The following CNOT1 variants were observed in gnomAD, a reference collection of about 807,000 sequenced individuals.
CNOT1 encodes the protein CCR4-associated factor 1.
CNOT1 carries 15 observed loss-of-function variants against 273.8 expected under a neutral mutation model. The observed-to-expected ratio is 0.05, with a 90% CI of 0.04 to 0.08. The LOEUF (loss-of-function observed/expected upper bound fraction) is 0.08, where lower values mean the gene tolerates loss of function less well. Ranked by LOEUF, CNOT1 falls within the 10% of genes least tolerant of loss-of-function variation. The pLI is 1.00. For missense variants in CNOT1, 1,644 were observed against 2,912.2 expected, an observed-to-expected ratio of 0.56 and a Z score of 10.02; for synonymous variants, 1,022 against 1,005.5, an observed-to-expected ratio of 1.02 and a Z score of -0.31.
intron 39 of CNOT1, among the ~76,000 whole-genome samples, chr16:58,536,463 T>A (rs771298300): frequency 5.9e-5 from 9 of 152,220 alleles, no homozygotes; most frequent in Non-Finnish European, 1.0e-4. Flanking sequence ...AGTTAGGTGC[T>A]TTGTTCCTAA....
In CNOT1 at chr16:58,556,981, C is replaced by G; in HGVS notation, c.2345G>C (p.Gly782Ala). Residue 782 changes from glycine (G) to alanine (A), a missense_variant, in exon 19 of 49, where the codon GGC (glycine) becomes GCC (alanine). Physicochemically the swap from Gly to Ala is moderately conservative, Grantham distance 60. This residue lies in a region of CNOT1 where 706 missense variants were observed against 1,021.2 expected (regional missense o/e 0.69). Coordinates refer to ENST00000317147, the MANE Select transcript of CNOT1 (RefSeq NM_016284.5). ...LSSQLPVGGL[G>A]TGSLTGIGTG... is the part of the protein sequence containing the mutation. ...TCCTATACCAGTCAGGCTGCCTGTG[C>G]CAAGACCACCTACTAGAGAGAACGA... 1 of 1,613,824 alleles carries G rather than the reference C, an allele frequency of 6.2e-7. No individual in the cohort carries two copies. Among genetic ancestry groups the G allele is most frequent in the Non-Finnish European group, 8.5e-7 (1 of 1,179,954 alleles).
At chr16:58,554,616 T>C (rs557172610) in intron 21 of CNOT1, among the ~76,000 whole-genome samples, 1 of 152,326 alleles carries the variant, frequency 6.6e-6, no homozygotes, top group African/African-American at 2.4e-5. Context: ...GTTCTCATTT[T>C]AGTTTTCCTA....
intron 1 of CNOT1, among the ~76,000 whole-genome samples, chr16:58,619,352 C>G (rs1348054443): frequency 1.3e-5 from 2 of 152,058 alleles, no homozygotes; most frequent in Non-Finnish European, 2.9e-5. Flanking sequence ...CTCAGCAGAA[C>G]TGCAAATTTA....
At chr16:58,534,889 A>G (rs1384019629) in intron 39 of CNOT1, among the ~76,000 whole-genome samples, 1 of 152,258 alleles carries the variant, frequency 6.6e-6, no homozygotes, top group Non-Finnish European at 1.5e-5. Context: ...AGAAAAATCA[A>G]TAATTTGTAC....
At chr16:58,542,134 A>T in intron 33 of CNOT1, 97 bp downstream of exon 33, 1 of 1,407,930 alleles carries the variant, frequency 7.1e-7, no homozygotes, top group Non-Finnish European at 9.7e-7. Context: ...AACAATATTT[A>T]ACCCTGCTGT....
intron 21 of CNOT1, among the ~76,000 whole-genome samples, chr16:58,554,935 CAAAAAAA>C (rs56180546): frequency 2.5e-5 from 2 of 78,910 alleles, no homozygotes; most frequent in African/African-American, 5.0e-5. Context: ...GACTCCATCT[CAAAAAAA>C]AAAAAAAAAA....
rs375554292 is a variant in CNOT1, at chr16:58,610,432, G to A, written c.-174-10921C>T. 8.6e-5 allele frequency among the ~76,000 whole-genome samples: 13 copies of A among 151,982 alleles called. No individual in the cohort carries two copies. The South Asian group carries it at 1.2e-3, about 15-fold the overall frequency. On this transcript the variant is annotated intron_variant, in intron 1 of 48. Coordinates refer to ENST00000317147, the MANE Select transcript of CNOT1 (RefSeq NM_016284.5). ...ATAAAGAAATAAATAGGCCAGGCGC[G>A]GTAGCTCATGCCTGTAATCCCAGCA... is the stretch of plus-strand genomic sequence containing the variant.
intron 1 of CNOT1, among the ~76,000 whole-genome samples, chr16:58,600,290 C>A (rs1052637815): frequency 8.5e-5 from 7 of 82,732 alleles, no homozygotes; most frequent in Admixed American, 5.4e-4. Context: ...CGAGATCATG[C>A]CACTGCATTC....
In CNOT1 at chr16:58,547,349, A is replaced by G; in HGVS notation, c.3640-53T>C. 6.3e-7 allele frequency: 1 copy of G among 1,599,050 alleles called. No individual in the cohort carries two copies. The highest frequency in any genetic ancestry group is 1.1e-5 in the South Asian group (1 of 88,948). On this transcript the variant is annotated intron_variant, in intron 26 of 48. Coordinates refer to ENST00000317147, the MANE Select transcript of CNOT1 (RefSeq NM_016284.5). The surrounding 1 kb of genome is among the most constrained non-coding windows in gnomAD (Gnocchi z 4.0). ...CGGGGAATATACCCCCCAAAATGGTATAACAAAACCAAAGAAAAGTATTTT... is the reference window on the plus strand; with the variant it reads ...CGGGGAATATACCCCCCAAAATGGTGTAACAAAACCAAAGAAAAGTATTTT...
intron 16 of CNOT1, among the ~76,000 whole-genome samples, chr16:58,561,486 C>T (rs532895066): frequency 4.0e-4 from 61 of 152,194 alleles, no homozygotes; most frequent in African/African-American, 1.5e-3. Context: ...GACAAAAACA[C>T]CATGCATAGT....
At chr16:58,553,265 T>G (rs984207698) in intron 22 of CNOT1, among the ~76,000 whole-genome samples, 1 of 147,696 alleles carries the variant, frequency 6.8e-6, no homozygotes, top group African/African-American at 2.5e-5. Context: ...AGATTTCATC[T>G]CCCCCTCCCA....
intron 25 of CNOT1, chr16:58,548,483 T>C (rs751527060): frequency 2.0e-6 from 1 of 512,474 alleles, no homozygotes; most frequent in Non-Finnish European, 3.9e-6. Context: ...TATCAGATAA[T>C]AAAAACGAAA....
At chr16:58,528,370 A>C (rs774001587) in intron 44 of CNOT1, 105 bp downstream of exon 44, 2 of 787,904 alleles carry the variant, frequency 2.5e-6, no homozygotes, top group Non-Finnish European at 4.5e-6. Context: ...CTTAACTAAT[A>C]GTGTGCGTGT....
chr16:58,617,335 C>T (rs866319852), intron 1 of CNOT1, among the ~76,000 whole-genome samples: 4 of 151,602 alleles, frequency 2.6e-5, no homozygotes, highest in Non-Finnish European at 2.9e-5. Context: ...CACTCCAACC[C>T]GGGCAACAGA....
chr16:58,578,818 G>C lies in CNOT1; in HGVS notation c.1465C>G (p.Leu489Val). The C allele has an allele frequency of 6.2e-7, 1 of 1,614,158 alleles. No homozygotes were observed. Among genetic ancestry groups the C allele is most frequent in the Non-Finnish European group, 8.5e-7 (1 of 1,180,036 alleles). ...HCPDMLVLAL[L>V]QINTSWHTLR... ...GTATGCCAAGAGGTGTTAATTTGTA[G>C]TAAGGCCAATACCAGCATGTCTGGA... Residue 489 changes from leucine to valine, a missense_variant, in exon 13 of 49, where the codon CTA becomes GTA. Coordinates refer to ENST00000317147, the MANE Select transcript of CNOT1 (RefSeq NM_016284.5).
chr16:58,622,462 AAAATC>A (rs2152053023), intron 1 of CNOT1, among the ~76,000 whole-genome samples: 2 of 152,168 alleles, frequency 1.3e-5, no homozygotes, highest in South Asian at 4.2e-4. Flanking sequence ...TCTAAAAAAT[AAAATC>A]AATTAAGAAA....
chr16:58,622,848 C>CAA (rs11372225), intron 1 of CNOT1, among the ~76,000 whole-genome samples: 128 of 104,426 alleles, frequency 1.2e-3, no homozygotes, highest in African/African-American at 3.7e-3. Context: ...ACTCTTGACC[C>CAA]AAAAAAAAAA....
rs371646806 is a variant in CNOT1 at position 58,539,853 on chromosome 16, G to A, written c.4907C>T (p.Ala1636Val). The change falls in exon 35 of 49, where the codon GCT (alanine) becomes GTT (valine). Residue 1636 changes from alanine (A) to valine (V), a missense_variant. Physicochemically the swap from Ala to Val is moderately conservative, Grantham distance 64. Transcript: ENST00000317147. The part of the protein sequence containing the change: ...IPPTLAMNPQ[A>V]QALRSLLEVV... ...CTCCAAGAGACTTCGAAGAGCCTGA[G>A]CTTGAGGGTTCATGGCCAAAGTTGG... is the stretch of plus-strand genomic sequence containing the variant. 2 of 1,614,180 alleles carry A rather than the reference G, an allele frequency of 1.2e-6. No homozygotes were observed. Among genetic ancestry groups the A allele is most frequent in the South Asian group, 1.1e-5 (1 of 91,084 alleles).
chr16:58,542,644 T>G, intron 31 of CNOT1, 76 bp from the exon 32 acceptor site: 3 of 1,551,522 alleles, frequency 1.9e-6, no homozygotes, highest in Non-Finnish European at 2.6e-6. Context: ...ACAGACAGGA[T>G]AGTAGAAAAT....
Sources: gnomAD v4.1 joint callset for allele counts (sites outside exome capture counted in the v4.1 genomes callset) on GRCh38, gnomAD v4.1.1 for gene constraint, gnomAD v4.1.1 regional missense constraint, Gnocchi (gnomAD v3.1) non-coding constraint, MANE v1.5 for transcripts, NCBI Gene and HGNC (gene_info 2026-07-23, HGNC 2026-07-21) for gene names.